PIK3CB: variants seen among roughly 807,000 people sequenced by gnomAD.
PIK3CB encodes the protein phosphatidylinositol 4,5-bisphosphate 3-kinase catalytic subunit beta isoform.
Under a neutral mutation model 136.8 loss-of-function variants are expected in PIK3CB, and 39 were observed. That is an observed-to-expected ratio of 0.29 (90% CI 0.22 to 0.37). The LOEUF (loss-of-function observed/expected upper bound fraction) is 0.37. Among genes scored for constraint, PIK3CB ranks in the 10% least tolerant of loss-of-function variants. PIK3CB has a pLI of 1.00. For synonymous variants in PIK3CB, 428 were observed against 436.6 expected (o/e 0.98, Z 0.25); for missense variants, 868 against 1,275.4 (o/e 0.68, Z 4.87).
In PIK3CB at chr3:138,693,953, ATATATATATATAT is replaced by A. The variant is rs1201997431; in HGVS notation, c.1892+820_1892+832del. ...TTGCTTAAAATATATATATATATAT[ATATATATATATAT>A]TATATATATATATATATATATATAT... On this transcript the variant is annotated intron_variant, in intron 14 of 23. Coordinates refer to ENST00000674063, the MANE Select transcript of PIK3CB (RefSeq NM_006219.3). 0.034 allele frequency among the ~76,000 whole-genome samples: 1,301 copies of A among 37,758 alleles called. 55 individuals carry two copies. The East Asian group carries it at 0.4, about 12-fold the overall frequency. 24.8% of individuals were successfully genotyped at this position (37,758 alleles called of 152,430 possible).
chr3:138,671,523 C>T (rs1436808262), intron 19 of PIK3CB, among the ~76,000 whole-genome samples: 2 of 152,162 alleles, frequency 1.3e-5, no homozygotes. Context: ...AAAAAGACCT[C>T]TAGGTTCCAA....
chr3:138,661,959 T>C (rs2043303185), intron 21 of PIK3CB, among the ~76,000 whole-genome samples: 1 of 152,192 alleles, frequency 6.6e-6, no homozygotes, highest in African/African-American at 2.4e-5. Context: ...AAGTACTTTA[T>C]AAACAACATG....
intron 12 of PIK3CB, among the ~76,000 whole-genome samples, chr3:138,699,794 T>C (rs960132772): frequency 6.6e-6 from 1 of 152,086 alleles, no homozygotes; most frequent in Non-Finnish European, 1.5e-5. Flanking sequence ...GGTAAACAAA[T>C]ATATACTGTC....
At chr3:138,672,602 A>G (rs1171373041) in intron 19 of PIK3CB, among the ~76,000 whole-genome samples, 1 of 152,228 alleles carries the variant, frequency 6.6e-6, no homozygotes, top group African/African-American at 2.4e-5. Flanking sequence ...GAACTAAAAA[A>G]GAACAATCTG....
chr3:138,819,132 AGGTCT>A (rs1933453605), intron 1 of PIK3CB, among the ~76,000 whole-genome samples: 2 of 152,134 alleles, frequency 1.3e-5, no homozygotes, highest in Non-Finnish European at 2.9e-5. Flanking sequence ...GTGGTTCACA[AGGTCT>A]GGAGATCGAG....
intron 1 of PIK3CB, among the ~76,000 whole-genome samples, chr3:138,823,539 C>T (rs1933653732): frequency 6.6e-6 from 1 of 151,852 alleles, no homozygotes; most frequent in Non-Finnish European, 1.5e-5. Context: ...CTCGTCTCTA[C>T]TAAAAATACA....
Position 138,707,258 on chromosome 3 carries a change from T to A in PIK3CB, c.1431A>T (p.Gly477=), listed in dbSNP as rs563155834. The change falls in exon 11 of 24, where the codon GGA becomes GGT. Residue 477 remains glycine (G), a synonymous_variant. Transcript: ENST00000674063. ...CAGTATATGGATTTGTTTGAACAGT[T>A]CCCATTGGATTCAACATTTCTTCGA... ...DELEEMLNPM[G]TVQTNPYTEN... 2 of 1,604,874 alleles carry A rather than the reference T, an allele frequency of 1.2e-6. No individual in the cohort carries two copies. The highest frequency in any genetic ancestry group is 1.7e-6 in the Non-Finnish European group (2 of 1,176,592).
intron 5 of PIK3CB, among the ~76,000 whole-genome samples, chr3:138,740,212 A>AGCATG (rs1425335698): frequency 6.6e-6 from 1 of 152,118 alleles, no homozygotes; most frequent in Non-Finnish European, 1.5e-5. Context: ...ACAAAAAATT[A>AGCATG]GCATGGCGTG....
chr3:138,828,088 G>A (rs1355776126), intron 1 of PIK3CB, among the ~76,000 whole-genome samples: 2 of 152,210 alleles, frequency 1.3e-5, no homozygotes, highest in Middle Eastern at 3.4e-3. Flanking sequence ...CAAAAAAAGG[G>A]GGAAGTGTGT....
chr3:138,721,093 T>C (rs1262746934), intron 8 of PIK3CB, among the ~76,000 whole-genome samples: 1 of 152,118 alleles, frequency 6.6e-6, no homozygotes, highest in Non-Finnish European at 1.5e-5. Context: ...CATATCTTCA[T>C]GAAAGGTGAG....
intron 1 of PIK3CB, among the ~76,000 whole-genome samples, chr3:138,811,414 G>C (rs1226746217): frequency 1.3e-5 from 2 of 151,208 alleles, no homozygotes; most frequent in African/African-American, 2.4e-5. Flanking sequence ...CTATACTATT[G>C]ATATGCAAGA....
At chr3:138,712,336 C>A in intron 9 of PIK3CB, 32 bp from the exon 10 acceptor site, 1 of 991,750 alleles carries the variant, frequency 1.0e-6, no homozygotes. Context: ...CATAAATATG[C>A]TAAGAATAAC....
chr3:138,784,842 G>T (rs895389826), intron 2 of PIK3CB, among the ~76,000 whole-genome samples: 1 of 152,122 alleles, frequency 6.6e-6, no homozygotes, highest in Non-Finnish European at 1.5e-5. Context: ...GCCTCTGCCC[G>T]GCCGCCACCC....
chr3:138,684,225 G>A (rs2043836796), intron 17 of PIK3CB, among the ~76,000 whole-genome samples: 1 of 152,036 alleles, frequency 6.6e-6, no homozygotes, highest in Non-Finnish European at 1.5e-5. Flanking sequence ...TACTTTTGTA[G>A]GGAATGAGAA....
chr3:138,821,263 A>G (rs1339029418), intron 1 of PIK3CB, among the ~76,000 whole-genome samples: 1 of 150,152 alleles, frequency 6.7e-6, no homozygotes, highest in Non-Finnish European at 1.5e-5. Flanking sequence ...CAGCTTGGCG[A>G]CAGAACGAGA....
intron 12 of PIK3CB, among the ~76,000 whole-genome samples, 193 bp from the exon 13 acceptor site, chr3:138,699,288 A>C (rs949545065): frequency 4.6e-5 from 7 of 151,624 alleles, no homozygotes; most frequent in Non-Finnish European, 5.9e-5. Context: ...TTCTTAAAAC[A>C]GTTTCTAAAA....
chr3:138,735,324 G>T lies in PIK3CB; in HGVS notation c.802-520C>A, dbSNP rs569115971. On this transcript the variant is annotated intron_variant, in intron 6 of 23. Coordinates refer to ENST00000674063, the MANE Select transcript of PIK3CB (RefSeq NM_006219.3). ...TGAACACCTAAGTACCTAAAGAAAT[G>T]AGTTAGATGATTATTGTATGTTACA... is the stretch of plus-strand genomic sequence containing the variant. Among the ~76,000 whole-genome samples, 3 of 152,106 alleles carry T rather than the reference G, an allele frequency of 2.0e-5. No homozygotes were observed. In the South Asian group the frequency reaches 6.2e-4, roughly 32 times the overall value.
chr3:138,661,222 AAT>A (rs1440578663), intron 21 of PIK3CB, among the ~76,000 whole-genome samples: 1 of 152,208 alleles, frequency 6.6e-6, no homozygotes, highest in African/African-American at 2.4e-5. Context: ...TCAGAGAATA[AAT>A]CTATCTCCTT....
intron 6 of PIK3CB, among the ~76,000 whole-genome samples, chr3:138,736,446 CAAT>C (rs963725160): frequency 2.6e-5 from 4 of 152,248 alleles, no homozygotes; most frequent in Admixed American, 6.5e-5. Flanking sequence ...ACAACAACAA[CAAT>C]AATATCACAA....
Sources: allele counts gnomAD v4.1 joint callset (sites outside exome capture counted in the v4.1 genomes callset), GRCh38; gene constraint gnomAD v4.1.1; transcripts MANE v1.5; gene names NCBI Gene and HGNC (gene_info 2026-07-23, HGNC 2026-07-21).